Variants in SCMH1 observed in about 807,000 individuals in gnomAD.
SCMH1 encodes Scm polycomb group protein homolog 1, also known as polycomb protein SCMH1.
In SCMH1, 37 loss-of-function variants were observed where a neutral mutation model predicts 70.8. That is an observed-to-expected ratio of 0.52 (90% CI 0.40 to 0.69). The LOEUF (loss-of-function observed/expected upper bound fraction) is 0.69, where lower values mean the gene tolerates loss of function less well. Ranked by LOEUF, SCMH1 falls within the 30% of genes least tolerant of loss-of-function variation. The probability of loss-of-function intolerance (pLI) is 0.00; values close to 1 mark genes in which losing one functional copy is unlikely to be tolerated. For synonymous variants in SCMH1, 292 were observed against 307.4 expected (o/e 0.95, Z 0.52); for missense variants, 607 against 827.3 (o/e 0.73, Z 3.27).
chr1:41,110,477 C>G (rs1236107789), intron 8 of SCMH1, among the ~76,000 whole-genome samples: 2 of 152,174 alleles, frequency 1.3e-5, no homozygotes, highest in Non-Finnish European at 2.9e-5. Context: ...CACTGGCAAC[C>G]ACGAATCTAC....
chr1:41,154,016 C>A (rs981284211), intron 4 of SCMH1, among the ~76,000 whole-genome samples: 12 of 152,320 alleles, frequency 7.9e-5, no homozygotes, highest in South Asian at 4.1e-4. Flanking sequence ...TCCACCACTC[C>A]AGTGTGAAAG....
chr1:41,128,063 G>A (rs1036333206), intron 6 of SCMH1, among the ~76,000 whole-genome samples: 3 of 152,146 alleles, frequency 2.0e-5, no homozygotes, highest in Non-Finnish European at 4.4e-5. Context: ...CTCTGGATTT[G>A]CTATTTATTT....
chr1:41,168,247 T>C (rs535950321), intron 2 of SCMH1, among the ~76,000 whole-genome samples: 26 of 152,288 alleles, frequency 1.7e-4, no homozygotes, highest in Non-Finnish European at 3.4e-4. Context: ...TTCTTCTTTT[T>C]CTGACATATC....
intron 1 of SCMH1, among the ~76,000 whole-genome samples, chr1:41,187,224 A>G (rs1323356522): frequency 6.6e-6 from 1 of 152,100 alleles, no homozygotes; most frequent in Non-Finnish European, 1.5e-5. Context: ...GCACTTTGAA[A>G]GGCTGAGGCT....
intron 2 of SCMH1, among the ~76,000 whole-genome samples, chr1:41,173,932 G>A (rs979258247): frequency 6.6e-6 from 1 of 152,054 alleles, no homozygotes; most frequent in African/African-American, 2.4e-5. Flanking sequence ...AGACAGAATA[G>A]TGGTTACTAA....
At chr1:41,031,643 G>A (rs1486659889) in intron 13 of SCMH1, among the ~76,000 whole-genome samples, 9 of 152,188 alleles carry the variant, frequency 5.9e-5, no homozygotes, top group African/African-American at 2.2e-4. Flanking sequence ...CTGTGAGCCA[G>A]TCACTTCTCC....
chr1:41,063,005 G>C (rs752331093), intron 10 of SCMH1, among the ~76,000 whole-genome samples: 30 of 151,632 alleles, frequency 2.0e-4, no homozygotes, highest in Non-Finnish European at 3.4e-4. Context: ...AGTGTTTAAA[G>C]GGTGACTTAT....
chr1:41,083,518 T>A (rs368428010), intron 8 of SCMH1, among the ~76,000 whole-genome samples: 10 of 152,230 alleles, frequency 6.6e-5, no homozygotes, highest in African/African-American at 1.9e-4. Context: ...CATGGGTAGG[T>A]AGAATCAATA....
At chr1:41,032,578 G>C (rs567329706) in intron 13 of SCMH1, among the ~76,000 whole-genome samples, 1 of 152,294 alleles carries the variant, frequency 6.6e-6, no homozygotes, top group South Asian at 2.1e-4. Context: ...AGTGAAATAG[G>C]TAGGTTTTGA....
intron 6 of SCMH1, among the ~76,000 whole-genome samples, chr1:41,129,145 T>G (rs952572446): frequency 6.6e-6 from 1 of 152,206 alleles, no homozygotes; most frequent in Non-Finnish European, 1.5e-5. Context: ...ATTCTAATTA[T>G]AATGGGTGAG....
chr1:41,069,832 A>C (rs1364499706), intron 10 of SCMH1, among the ~76,000 whole-genome samples: 2 of 152,158 alleles, frequency 1.3e-5, no homozygotes, highest in African/African-American at 4.8e-5. Context: ...ACTATGTCTG[A>C]GCCTTCCCTT....
intron 10 of SCMH1, among the ~76,000 whole-genome samples, chr1:41,067,869 T>C (rs926092721): frequency 6.6e-6 from 1 of 152,126 alleles, no homozygotes; most frequent in African/African-American, 2.4e-5. Context: ...GTGGAGGATG[T>C]TGATGAATGG....
chr1:41,159,793 G>A, intron 4 of SCMH1: 7 of 1,488,358 alleles, frequency 4.7e-6, no homozygotes, highest in Non-Finnish European at 6.2e-6. Flanking sequence ...AAGAATGTCA[G>A]AAGATTTGAC....
intron 13 of SCMH1, 47 bp downstream of exon 13, chr1:41,037,315 G>A: frequency 6.3e-7 from 1 of 1,579,702 alleles, no homozygotes; most frequent in Non-Finnish European, 8.6e-7. Flanking sequence ...AGGAAGTGAA[G>A]GAAAGAGTGA....
At chr1:41,134,205 C>T (rs1642883198) in intron 6 of SCMH1, among the ~76,000 whole-genome samples, 1 of 152,120 alleles carries the variant, frequency 6.6e-6, no homozygotes, top group African/African-American at 2.4e-5. Context: ...TTAATAGATG[C>T]AGAAAAGGCC....
rs139705560 is a variant in SCMH1 at position 41,136,667 on chromosome 1, C to T, written c.412+6211G>A. ...GATTACAGGTGTGAGCCATTGTGCC[C>T]GGCCATTTCTTATTTTCTATGTTTG... On this transcript the variant is annotated intron_variant, in intron 6 of 14. Coordinates refer to ENST00000337495, the Ensembl canonical transcript of SCMH1. 5.0e-3 allele frequency among the ~76,000 whole-genome samples: 755 copies of T among 151,932 alleles called. 9 individuals are homozygous for T. The highest frequency in any genetic ancestry group is 0.017 in the African/African-American group (703 of 41,466).
chr1:41,071,122 A>T (rs912317298), intron 9 of SCMH1, among the ~76,000 whole-genome samples: 1 of 152,040 alleles, frequency 6.6e-6, no homozygotes, highest in African/African-American at 2.4e-5. Context: ...AATAGAAATG[A>T]CCCTTCTAAC....
intron 1 of SCMH1, among the ~76,000 whole-genome samples, chr1:41,207,891 A>G (rs1458554810): frequency 6.7e-6 from 1 of 149,756 alleles, no homozygotes; most frequent in Non-Finnish European, 1.5e-5. Flanking sequence ...ATCTAGAACT[A>G]GAAATACCAT....
At chr1:41,106,475 C>T (rs564910116) in intron 8 of SCMH1, among the ~76,000 whole-genome samples, 21 of 151,876 alleles carry the variant, frequency 1.4e-4, no homozygotes, top group South Asian at 6.2e-4. Flanking sequence ...CTGCAGAACT[C>T]TAAGCCAATT....
Sources: gnomAD v4.1 joint callset for allele counts (sites outside exome capture counted in the v4.1 genomes callset) on GRCh38, gnomAD v4.1.1 for gene constraint, MANE v1.5 for transcripts, NCBI Gene and HGNC (gene_info 2026-07-23, HGNC 2026-07-21) for gene names.